The following SETD5 variants were observed in gnomAD, a reference collection of about 807,000 sequenced individuals.
SETD5 encodes the protein SET domain containing 5.
A neutral mutation model predicts 153.3 loss-of-function variants in SETD5; 44 were observed. The observed-to-expected ratio is 0.29, with a 90% CI of 0.23 to 0.37. SETD5 has a LOEUF of 0.37. SETD5 is among the 10% of genes least tolerant of loss of function. The pLI, the probability that SETD5 is intolerant of heterozygous loss-of-function variation, is 1.00. For synonymous variants in SETD5, 716 were observed against 645.2 expected (o/e 1.11, Z -1.66); for missense variants, 1,544 against 1,768.0 (o/e 0.87, Z 2.27).
chr3:9,448,984 T>C (rs1421007310), intron 16 of SETD5, among the ~76,000 whole-genome samples: 1 of 152,226 alleles, frequency 6.6e-6, no homozygotes, highest in African/African-American at 2.4e-5. Flanking sequence ...TGTCCATTTA[T>C]GATTATTGTG....
intron 7 of SETD5, among the ~76,000 whole-genome samples, chr3:9,437,973 A>G (rs962689162): frequency 2.9e-4 from 44 of 151,746 alleles, no homozygotes; most frequent in African/African-American, 1.0e-3. Context: ...ACTGCACTCC[A>G]GCCTGGGCAA....
intron 13 of SETD5, among the ~76,000 whole-genome samples, chr3:9,445,957 A>C (rs1035962355): frequency 7.6e-6 from 1 of 132,380 alleles, no homozygotes; most frequent in African/African-American, 3.3e-5. Flanking sequence ...TGATGGTTTG[A>C]AGAGGTTGTT....
intron 1 of SETD5, among the ~76,000 whole-genome samples, chr3:9,419,642 ATATT>A (rs1559370748): frequency 1.3e-5 from 2 of 152,232 alleles, no homozygotes; most frequent in Non-Finnish European, 2.9e-5. Context: ...AACAAGCTAT[ATATT>A]AACATCTTAA....
chr3:9,459,107 A>G (rs1481783361), intron 17 of SETD5, among the ~76,000 whole-genome samples: 1 of 152,198 alleles, frequency 6.6e-6, no homozygotes, highest in Non-Finnish European at 1.5e-5. Context: ...AAAAGTTGTC[A>G]GATGCTTGAA....
At chr3:9,416,266 G>A (rs1281638805) in intron 1 of SETD5, among the ~76,000 whole-genome samples, 2 of 152,150 alleles carry the variant, frequency 1.3e-5, no homozygotes, top group Non-Finnish European at 2.9e-5. Context: ...TACCTCAAAT[G>A]TGAGCCGTCA....
In SETD5 at chr3:9,475,544, C is replaced by G. The variant is rs759034457; in HGVS notation, c.3782C>G (p.Pro1261Arg). Residue 1261 changes from proline to arginine, a missense_variant, in exon 23 of 23, where the codon CCC (proline) becomes CGC (arginine). Pro to Arg is a moderately radical substitution (Grantham distance 103). Coordinates refer to ENST00000402198, the MANE Select transcript of SETD5 (RefSeq NM_001080517.3). ...SQSLLQQSSS[P>R]FRGHPTQSPG... The stretch of plus-strand genomic sequence containing the variant: ...AGCCTCCTTCAGCAGAGTTCCTCCC[C>G]CTTCAGAGGACATCCTACACAGTCT... 2.5e-6 allele frequency: 4 copies of G among 1,613,922 alleles called. No individual in the cohort carries two copies. Among genetic ancestry groups the G allele is most frequent in the South Asian group, 1.1e-5 (1 of 91,088 alleles).
chr3:9,466,205 G>A (rs1015898413), intron 18 of SETD5, among the ~76,000 whole-genome samples: 40 of 150,106 alleles, frequency 2.7e-4, no homozygotes, highest in Middle Eastern at 6.9e-3. Flanking sequence ...GGAGAATGGC[G>A]TGAACCCGGG....
At chr3:9,426,669 A>G (rs1034437632) in intron 2 of SETD5, among the ~76,000 whole-genome samples, 1 of 152,080 alleles carries the variant, frequency 6.6e-6, no homozygotes, top group African/African-American at 2.4e-5. Flanking sequence ...CTGGGATTAC[A>G]GGTGTGAGCC....
Position 9,475,961 on chromosome 3 carries a change from A to G in SETD5, c.4199A>G (p.Tyr1400Cys). The G allele has an allele frequency of 6.2e-7, 1 of 1,614,000 alleles. No homozygotes were observed. The highest frequency in any genetic ancestry group is 8.5e-7 in the Non-Finnish European group (1 of 1,179,896). ...CCCAGTGCTGGGCAGTCAGCTGTCT[A>G]CCAGGCCTCCAGGGTATCTGCGGTT... ...SLPSAGQSAV[Y>C]QASRVSAVSN... Residue 1400 changes from tyrosine (Y) to cysteine (C), a missense_variant, in exon 23 of 23, where the codon TAC becomes TGC. By Grantham distance (194) the Tyr-to-Cys change is radical (BLOSUM62 -2). Coordinates refer to ENST00000402198, the MANE Select transcript of SETD5 (RefSeq NM_001080517.3).
At chr3:9,464,328 G>A in intron 17 of SETD5, 97 bp from the exon 18 acceptor site, 1 of 1,502,398 alleles carries the variant, frequency 6.7e-7, no homozygotes, top group East Asian at 2.3e-5. Flanking sequence ...GCAGAAAACA[G>A]TTAAGAGCCA....
intron 18 of SETD5, among the ~76,000 whole-genome samples, chr3:9,465,289 A>G (rs927174646): frequency 5.3e-5 from 8 of 152,300 alleles, no homozygotes; most frequent in Admixed American, 3.9e-4. Flanking sequence ...TATTACCTTC[A>G]CTGTTGGATT....
chr3:9,414,579 G>T (rs2125564640), intron 1 of SETD5, among the ~76,000 whole-genome samples: 1 of 152,216 alleles, frequency 6.6e-6, no homozygotes, highest in East Asian at 1.9e-4. Flanking sequence ...ACATTGTTTA[G>T]TCCTGTCTTG....
At chr3:9,431,416 AGAGAT>A in intron 3 of SETD5, 1 of 975,792 alleles carries the variant, frequency 1.0e-6, no homozygotes, top group Non-Finnish European at 1.2e-6. Context: ...TGGCTGCTAA[AGAGAT>A]GTAATTCCAT....
intron 1 of SETD5, among the ~76,000 whole-genome samples, chr3:9,412,228 G>A (rs1026345559): frequency 6.6e-6 from 1 of 151,748 alleles, no homozygotes; most frequent in Non-Finnish European, 1.5e-5. Context: ...ATACTCTGGG[G>A]TTGGAGTGAG....
intron 17 of SETD5, among the ~76,000 whole-genome samples, chr3:9,455,035 T>G (rs1479732078): frequency 1.3e-5 from 2 of 152,174 alleles, no homozygotes; most frequent in Non-Finnish European, 2.9e-5. Context: ...AACTTGAATT[T>G]AATTAGATAA....
Position 9,434,113 on chromosome 3 carries a change from G to A in SETD5, c.177+163G>A, listed in dbSNP as rs1247328952. On this transcript the variant is annotated intron_variant, in intron 4 of 22. Transcript: ENST00000402198. This position sits in a 1 kb window ranked among gnomAD's most constrained non-coding sequence, Gnocchi z 5.6. ...CGTCTAGCCCTGCATCATTGTTCTT[G>A]TTTTTATGTCCCAGTTGACCTTGGC... 4 of 1,554,460 alleles carry A rather than the reference G, an allele frequency of 2.6e-6. No homozygotes were observed. In the East Asian group the frequency reaches 9.6e-5, roughly 37 times the overall value.
At chr3:9,399,560 A>G (rs1440416185) in intron 1 of SETD5, among the ~76,000 whole-genome samples, 1 of 152,154 alleles carries the variant, frequency 6.6e-6, no homozygotes, top group Non-Finnish European at 1.5e-5. Context: ...TGTGTAGAAA[A>G]ATGAATTATG....
chr3:9,453,974 C>G, intron 17 of SETD5, 106 bp downstream of exon 17: 3 of 1,267,012 alleles, frequency 2.4e-6, no homozygotes, highest in Non-Finnish European at 3.1e-6. Flanking sequence ...GGCGTGTTTT[C>G]TAAATAGTTA....
chr3:9,414,536 T>C (rs771779869), intron 1 of SETD5, among the ~76,000 whole-genome samples: 14 of 152,196 alleles, frequency 9.2e-5, no homozygotes, highest in Non-Finnish European at 1.9e-4. Flanking sequence ...TTTTCCCACC[T>C]AGTAGTATCA....
Sources: gnomAD v4.1 joint callset for allele counts (sites outside exome capture counted in the v4.1 genomes callset) on GRCh38, gnomAD v4.1.1 for gene constraint, Gnocchi (gnomAD v3.1) non-coding constraint, MANE v1.5 for transcripts, NCBI Gene and HGNC (gene_info 2026-07-23, HGNC 2026-07-21) for gene names.